Variants in CCDC7 observed in about 807,000 individuals in gnomAD.
CCDC7 encodes the protein coiled-coil domain-containing protein 7.
Under a neutral mutation model 196.9 loss-of-function variants are expected in CCDC7, and 183 were observed. That is an observed-to-expected ratio of 0.93 (90% CI 0.82 to 1.05). CCDC7 has a LOEUF of 1.05. CCDC7 is among the 50% of genes least tolerant of loss of function. The pLI, the probability that CCDC7 is intolerant of heterozygous loss-of-function variation, is 0.00. For missense variants in CCDC7, 1,540 were observed against 1,482.2 expected, an observed-to-expected ratio of 1.04 and a Z score of -0.64; for synonymous variants, 525 against 484.6, an observed-to-expected ratio of 1.08 and a Z score of -1.10.
intron 38 of CCDC7, 97 bp from the exon 40 acceptor site, chr10:32,848,499 T>G (rs190246577): frequency 1.1e-6 from 1 of 908,252 alleles, no homozygotes; most frequent in African/African-American, 1.6e-5. Context: ...GAAGAAAAAT[T>G]ACCAAGGCAG....
At chr10:32,706,283 C>T (rs1044089714) in intron 24 of CCDC7, among the ~76,000 whole-genome samples, 2 of 151,992 alleles carry the variant, frequency 1.3e-5, no homozygotes, top group African/African-American at 4.8e-5. Flanking sequence ...AGAACAAAGA[C>T]ACAACATACT....
exon 27 of CCDC7, chr10:32,728,958 G>C: frequency 6.2e-7 from 1 of 1,606,942 alleles, no homozygotes; most frequent in Non-Finnish European, 8.5e-7. Flanking sequence ...CCAAATGCAA[G>C]AAAAGAAACA....
chr10:32,559,698 T>C (rs1483770613), intron 13 of CCDC7, among the ~76,000 whole-genome samples: 1 of 151,128 alleles, frequency 6.6e-6, no homozygotes, highest in African/African-American at 2.4e-5. Flanking sequence ...AGACCAAAAG[T>C]AGATAAAACC....
intron 21 of CCDC7, among the ~76,000 whole-genome samples, chr10:32,670,281 A>G (rs987208471): frequency 4.3e-4 from 65 of 152,260 alleles, no homozygotes; most frequent in Non-Finnish European, 7.1e-4. Flanking sequence ...TCCCCAGTCA[A>G]CAGTTCATAG....
intron 21 of CCDC7, among the ~76,000 whole-genome samples, chr10:32,671,107 C>A (rs1390275197): frequency 6.6e-6 from 1 of 152,022 alleles, no homozygotes; most frequent in South Asian, 2.1e-4. Context: ...TTTAGTGTAA[C>A]CCAAGTGTAC....
intron 9 of CCDC7, among the ~76,000 whole-genome samples, chr10:32,495,537 G>A (rs551697661): frequency 1.3e-5 from 2 of 152,300 alleles, no homozygotes; most frequent in African/African-American, 4.8e-5. Flanking sequence ...TTACGTTTAA[G>A]TGTCTAATCC....
chr10:32,634,174 A>G (rs1275236340), intron 18 of CCDC7, 80 bp from the exon 20 acceptor site: 3 of 517,782 alleles, frequency 5.8e-6, no homozygotes, highest in Non-Finnish European at 5.9e-6. Context: ...TGCTGTGTAC[A>G]TGTTTAAAAT....
At chr10:32,837,913 C>G (rs1260210705) in intron 33 of CCDC7, among the ~76,000 whole-genome samples, 1 of 122,710 alleles carries the variant, frequency 8.1e-6, no homozygotes, top group African/African-American at 3.2e-5. Context: ...CATCACACAC[C>G]GGGGCTTGTT....
chr10:32,780,880 TA>T (rs2080948412), intron 29 of CCDC7, among the ~76,000 whole-genome samples: 1 of 152,152 alleles, frequency 6.6e-6, no homozygotes, highest in Non-Finnish European at 1.5e-5. Flanking sequence ...ACATGCTGCT[TA>T]CAAAAGATGC....
At chr10:32,728,106 C>T (rs1170950544) in intron 26 of CCDC7, among the ~76,000 whole-genome samples, 2 of 152,064 alleles carry the variant, frequency 1.3e-5, no homozygotes, top group African/African-American at 2.4e-5. Context: ...TTCTTTCTCC[C>T]CCTTGAGTGA....
intron 18 of CCDC7, among the ~76,000 whole-genome samples, chr10:32,601,789 C>T (rs755947161): frequency 1.8e-4 from 28 of 152,130 alleles, no homozygotes; most frequent in Non-Finnish European, 2.9e-4. Context: ...ATTGTAAATG[C>T]ACCAATCAGC....
At chr10:32,809,640 C>T (rs1238820453) in intron 30 of CCDC7, among the ~76,000 whole-genome samples, 1 of 152,210 alleles carries the variant, frequency 6.6e-6, no homozygotes, top group Non-Finnish European at 1.5e-5. Flanking sequence ...CTCATCATCA[C>T]TGGTCATCAG....
Position 32,537,503 on chromosome 10 carries a change from T to C in CCDC7, c.994-5797T>C, listed in dbSNP as rs114153540. 4.4e-3 allele frequency among the ~76,000 whole-genome samples: 664 copies of C among 152,300 alleles called. 4 individuals are homozygous for C. The highest frequency in any genetic ancestry group is 0.016 in the African/African-American group (645 of 41,566). On this transcript the variant is annotated intron_variant, in intron 11 of 41. Coordinates refer to ENST00000639629, the Ensembl canonical transcript of CCDC7. ...TTATGCAGAAGCTCTTTAGTTTGGATCTCATTTGTTAATTTTTGTTTTTGT... is the reference window on the plus strand; with the variant it reads ...TTATGCAGAAGCTCTTTAGTTTGGACCTCATTTGTTAATTTTTGTTTTTGT...
chr10:32,692,226 A>G (rs2077169711), intron 23 of CCDC7, among the ~76,000 whole-genome samples: 1 of 152,198 alleles, frequency 6.6e-6, no homozygotes, highest in Non-Finnish European at 1.5e-5. Context: ...CTCAGTGTGC[A>G]GAGTCTCCAA....
intron 9 of CCDC7, among the ~76,000 whole-genome samples, chr10:32,509,422 C>G (rs2045742954): frequency 6.6e-6 from 1 of 151,618 alleles, no homozygotes; most frequent in Non-Finnish European, 1.5e-5. Flanking sequence ...AAAAACTTAC[C>G]TGTATGAGCT....
At chr10:32,819,996 T>C (rs952847272) in intron 31 of CCDC7, among the ~76,000 whole-genome samples, 1 of 152,114 alleles carries the variant, frequency 6.6e-6, no homozygotes, top group Non-Finnish European at 1.5e-5. Context: ...AAATAAAGGG[T>C]ATTCAATTAG....
intron 33 of CCDC7, among the ~76,000 whole-genome samples, chr10:32,840,744 A>C (rs1267455352): frequency 1.3e-5 from 2 of 152,108 alleles, no homozygotes; most frequent in Non-Finnish European, 2.9e-5. Context: ...CATAGATGAA[A>C]AAATCCTCAA....
At chr10:32,816,732 G>C (rs1257934469) in intron 31 of CCDC7, among the ~76,000 whole-genome samples, 1 of 152,166 alleles carries the variant, frequency 6.6e-6, no homozygotes, top group African/African-American at 2.4e-5. Context: ...ACAGGGTCTG[G>C]AGTAGACCTC....
chr10:32,543,992 G>C (rs1487890305), intron 12 of CCDC7, among the ~76,000 whole-genome samples: 1 of 151,818 alleles, frequency 6.6e-6, no homozygotes, highest in Non-Finnish European at 1.5e-5. Context: ...AAAATGACCC[G>C]AGAAGAAAAA....
Sources: allele counts gnomAD v4.1 joint callset (sites outside exome capture counted in the v4.1 genomes callset), GRCh38; gene constraint gnomAD v4.1.1; transcripts MANE v1.5; gene names NCBI Gene and HGNC (gene_info 2026-07-23, HGNC 2026-07-21).